RAB38: variants seen among roughly 807,000 people sequenced by gnomAD.
RAB38 encodes the protein ras-related protein Rab-38.
In RAB38, 15 loss-of-function variants were observed where a neutral mutation model predicts 18.4. The ratio of observed to expected loss-of-function variants is 0.82; its 90% confidence interval spans 0.55 to 1.26. The LOEUF (loss-of-function observed/expected upper bound fraction) is 1.26, where lower values mean the gene tolerates loss of function less well. RAB38 is among the 50% of genes most tolerant of loss of function. The pLI, the probability that RAB38 is intolerant of heterozygous loss-of-function variation, is 0.00. For synonymous variants in RAB38, 101 were observed against 104.4 expected, an observed-to-expected ratio of 0.97 and a Z score of 0.20; for missense variants, 294 against 267.4, an observed-to-expected ratio of 1.10 and a Z score of -0.69.
chr11:87,976,765 A>T, the RAB38 span, among the ~76,000 whole-genome samples: 1 of 116,430 alleles, frequency 8.6e-6, no homozygotes, highest in Admixed American at 1.1e-4. Context: ...TATATTTCAC[A>T]TAATATATAT....
At chr11:88,174,174 G>C in intron 1 of RAB38, 2 of 807,494 alleles carry the variant, frequency 2.5e-6, no homozygotes, top group Non-Finnish European at 3.0e-6. Context: ...CGATGCAACT[G>C]AGCTGAAGAG....
chr11:87,953,920 T>A, the RAB38 span, among the ~76,000 whole-genome samples: 1 of 152,294 alleles, frequency 6.6e-6, no homozygotes, highest in African/African-American at 2.4e-5. Flanking sequence ...TGTATTTATT[T>A]ATTTTTGAAT....
At chr11:88,105,049 AT>A in the RAB38 span, among the ~76,000 whole-genome samples, 1 of 152,020 alleles carries the variant, frequency 6.6e-6, no homozygotes, top group African/African-American at 2.4e-5. Flanking sequence ...TACTTTACAG[AT>A]TTTTAATAAT....
the RAB38 span, among the ~76,000 whole-genome samples, chr11:88,027,844 T>C: frequency 6.6e-6 from 1 of 152,184 alleles, no homozygotes; most frequent in African/African-American, 2.4e-5. Context: ...CAGACTTAAA[T>C]GTCCCTGTCT....
chr11:88,065,689 C>T, the RAB38 span, among the ~76,000 whole-genome samples: 1 of 152,130 alleles, frequency 6.6e-6, no homozygotes, highest in Non-Finnish European at 1.5e-5. Flanking sequence ...TACAAATGCA[C>T]ATATTAATAT....
At chr11:87,844,676 C>T in the RAB38 span, among the ~76,000 whole-genome samples, 1 of 152,166 alleles carries the variant, frequency 6.6e-6, no homozygotes, top group South Asian at 2.1e-4. Context: ...CCTGCTACAA[C>T]TCTGCATCTA....
the RAB38 span, among the ~76,000 whole-genome samples, chr11:87,844,790 C>A: frequency 6.6e-6 from 1 of 152,106 alleles, no homozygotes; most frequent in Non-Finnish European, 1.5e-5. Context: ...CAAGCCTTAA[C>A]ATAAACCCCG....
At chr11:88,023,254 T>A in the RAB38 span, among the ~76,000 whole-genome samples, 1 of 151,918 alleles carries the variant, frequency 6.6e-6, no homozygotes, top group African/African-American at 2.4e-5. Context: ...TATTTCTATA[T>A]CCCAAAGGCA....
At chr11:87,941,198 T>A in the RAB38 span, among the ~76,000 whole-genome samples, 2 of 109,124 alleles carry the variant, frequency 1.8e-5, no homozygotes, top group African/African-American at 3.6e-5. Flanking sequence ...GGATATATAT[T>A]TTTATAAATA....
chr11:87,937,310 TCATATATATATATATA>T, the RAB38 span, among the ~76,000 whole-genome samples: 141 of 55,568 alleles, frequency 2.5e-3, 1 homozygote, highest in African/African-American at 0.01. Context: ...TACTTGGTCA[TCATATATATATATATA>T]TATATATATA....
chr11:87,840,708 G>T, the RAB38 span, among the ~76,000 whole-genome samples: 2 of 152,122 alleles, frequency 1.3e-5, no homozygotes, highest in African/African-American at 4.8e-5. Context: ...ACCATAAAAA[G>T]TAATGTAAAA....
At chr11:87,821,169 C>A in the RAB38 span, among the ~76,000 whole-genome samples, 2 of 152,002 alleles carry the variant, frequency 1.3e-5, no homozygotes, top group Non-Finnish European at 2.9e-5. Context: ...AAAAGCCGGG[C>A]ACATTATATT....
chr11:87,877,575 T>C, the RAB38 span, among the ~76,000 whole-genome samples: 1 of 151,546 alleles, frequency 6.6e-6, no homozygotes, highest in Admixed American at 6.6e-5. Context: ...CTGTATCCAA[T>C]CTATTACAAA....
intron 2 of RAB38, among the ~76,000 whole-genome samples, chr11:88,145,213 G>A (rs182158249): frequency 8.6e-5 from 13 of 151,898 alleles, no homozygotes; most frequent in African/African-American, 2.2e-4. Flanking sequence ...GCAATGGCGC[G>A]ATCTCAGGTC....
At chr11:87,821,446 A>C in the RAB38 span, among the ~76,000 whole-genome samples, 1 of 152,216 alleles carries the variant, frequency 6.6e-6, no homozygotes, top group South Asian at 2.1e-4. Flanking sequence ...TCTATAAAAA[A>C]ATTCTTAAGG....
chr11:88,015,989 C>CCA, the RAB38 span, among the ~76,000 whole-genome samples: 2 of 152,118 alleles, frequency 1.3e-5, no homozygotes, highest in Non-Finnish European at 2.9e-5. Context: ...AATGGGGTAG[C>CCA]CCTTGTCTTC....
chr11:87,922,992 T>C, the RAB38 span, among the ~76,000 whole-genome samples: 1 of 151,520 alleles, frequency 6.6e-6, no homozygotes, highest in East Asian at 1.9e-4. Flanking sequence ...AATAAAAGAA[T>C]AGGGGAACAA....
At chr11:87,943,396 T>G in the RAB38 span, among the ~76,000 whole-genome samples, 7 of 152,270 alleles carry the variant, frequency 4.6e-5, no homozygotes, top group East Asian at 1.2e-3. Flanking sequence ...TACCCATCAT[T>G]GCCTCTCTGG....
At chr11:87,829,702 A>G in the RAB38 span, among the ~76,000 whole-genome samples, 869 of 152,326 alleles carry the variant, frequency 5.7e-3, 5 homozygotes, top group Non-Finnish European at 0.011. Flanking sequence ...AAAATAAAAT[A>G]CAAGTTTAAA....
Sources: allele counts gnomAD v4.1 joint callset (sites outside exome capture counted in the v4.1 genomes callset), GRCh38; gene constraint gnomAD v4.1.1; transcripts MANE v1.5; gene names NCBI Gene and HGNC (gene_info 2026-07-23, HGNC 2026-07-21).